Variants in RNF150 observed in about 807,000 individuals in gnomAD.
The protein encoded by RNF150 is ring finger protein 150.
A neutral mutation model predicts 39.3 loss-of-function variants in RNF150; 24 were observed. The observed-to-expected ratio is 0.61, with a 90% CI of 0.44 to 0.86. The LOEUF (loss-of-function observed/expected upper bound fraction) is 0.86. Ranked by LOEUF, RNF150 falls within the 40% of genes least tolerant of loss-of-function variation. The pLI is 0.00. For missense variants in RNF150, 502 were observed against 587.8 expected, an observed-to-expected ratio of 0.85 and a Z score of 1.51; for synonymous variants, 255 against 227.3, an observed-to-expected ratio of 1.12 and a Z score of -1.10.
intron 1 of RNF150, among the ~76,000 whole-genome samples, chr4:141,074,747 G>C (rs1233669160): frequency 1.3e-5 from 2 of 152,130 alleles, no homozygotes; most frequent in African/African-American, 4.8e-5. Flanking sequence ...CCAGAAATCA[G>C]CTGGCAAGAG....
At chr4:141,023,685 A>G (rs6537025) in intron 1 of RNF150, among the ~76,000 whole-genome samples, 80,749 of 152,030 alleles carry the variant, frequency 0.53, 23,081 homozygotes, top group Non-Finnish European at 0.63. Context: ...CTTGTATTTT[A>G]TACTTTCAAT....
chr4:141,125,904 C>T (rs749339341), intron 1 of RNF150, among the ~76,000 whole-genome samples: 1 of 152,142 alleles, frequency 6.6e-6, no homozygotes, highest in Non-Finnish European at 1.5e-5. Context: ...TAGATATGTA[C>T]TTCTATGACC....
intron 1 of RNF150, among the ~76,000 whole-genome samples, chr4:141,209,044 T>C (rs1449598260): frequency 2.6e-5 from 4 of 152,060 alleles, no homozygotes; most frequent in Non-Finnish European, 5.9e-5. Context: ...TTGTTCTTTG[T>C]CTGGTGAGAC....
intron 4 of RNF150, among the ~76,000 whole-genome samples, chr4:140,932,930 G>C (rs1188009492): frequency 1.3e-5 from 2 of 152,206 alleles, no homozygotes; most frequent in African/African-American, 2.4e-5. Context: ...CTGACACACA[G>C]TGAACACAAA....
At chr4:141,041,764 G>T (rs984071576) in intron 1 of RNF150, among the ~76,000 whole-genome samples, 4 of 152,034 alleles carry the variant, frequency 2.6e-5, no homozygotes, top group Non-Finnish European at 5.9e-5. Context: ...ATAAGTGAAT[G>T]TTTTTGAGCA....
chr4:141,069,692 G>T (rs1737614253), intron 1 of RNF150, among the ~76,000 whole-genome samples: 1 of 150,246 alleles, frequency 6.7e-6, no homozygotes, highest in African/African-American at 2.4e-5. Flanking sequence ...TCTGGTCCTG[G>T]ACTCTTTTTG....
rs542873591 is a variant in RNF150 at position 140,864,281 on chromosome 4, T to C, written c.*3980A>G. On this transcript the variant is annotated 3_prime_UTR_variant, in exon 7 of 7. Transcript: ENST00000515673. ...CTGTGTAGATGACCAGAGTTGACAC[T>C]GCAGGGGATATCTAACCCTAGAGAT... The C allele has an allele frequency of 6.0e-5, 9 of 150,970 alleles. No homozygotes were observed. The highest frequency in any genetic ancestry group is 2.2e-4 in the African/African-American group (9 of 41,014). 9.4% of individuals were successfully genotyped at this position (150,970 alleles called of 1,614,324 possible). A position where few individuals can be genotyped will look rare whatever the true frequency, so the allele number is the denominator to read the frequency against.
At chr4:141,039,745 G>T (rs1578659346) in intron 1 of RNF150, among the ~76,000 whole-genome samples, 1 of 152,198 alleles carries the variant, frequency 6.6e-6, no homozygotes, top group East Asian at 1.9e-4. Flanking sequence ...GTTATTAACT[G>T]CAAGCTCCTA....
chr4:141,045,538 T>TTTTA (rs1246542403), intron 1 of RNF150, among the ~76,000 whole-genome samples: 1 of 151,976 alleles, frequency 6.6e-6, no homozygotes, highest in Non-Finnish European at 1.5e-5. Context: ...TATTTTTATT[T>TTTTA]TTTATTTATT....
At chr4:140,922,889 A>C (rs1429588324) in intron 5 of RNF150, among the ~76,000 whole-genome samples, 3 of 150,850 alleles carry the variant, frequency 2.0e-5, no homozygotes, top group South Asian at 2.1e-4. Context: ...CTATTTAATA[A>C]ACGGTGCTGG....
chr4:141,024,608 A>G (rs1735622212), intron 1 of RNF150, among the ~76,000 whole-genome samples: 1 of 152,190 alleles, frequency 6.6e-6, no homozygotes, highest in Non-Finnish European at 1.5e-5. Flanking sequence ...CAACCTAAAT[A>G]ATCAAAAGGG....
At position 141,071,577 on chromosome 4, in the gene RNF150, A is replaced by G. The variant is rs1737707364; in HGVS notation, c.484+60748T>C. Reference sequence around the variant, plus strand: ...AAAAACGTGAAACATTTTGGCCTGGAGTGTAATTAATTTAAAATATGGTAC... The same window carrying G: ...AAAAACGTGAAACATTTTGGCCTGGGGTGTAATTAATTTAAAATATGGTAC... On this transcript the variant is annotated intron_variant, in intron 1 of 6. Coordinates refer to ENST00000515673, the MANE Select transcript of RNF150 (RefSeq NM_020724.2). 1.3e-5 allele frequency among the ~76,000 whole-genome samples: 2 copies of G among 152,050 alleles called. 1 individual carries two copies. The highest frequency in any genetic ancestry group is 4.1e-4 in the South Asian group (2 of 4,824).
At chr4:141,017,180 C>G (rs1350802289) in intron 1 of RNF150, among the ~76,000 whole-genome samples, 1 of 152,106 alleles carries the variant, frequency 6.6e-6, no homozygotes, top group Non-Finnish European at 1.5e-5. Context: ...TCAAGCCCCT[C>G]AGGCTTAAAA....
intron 1 of RNF150, among the ~76,000 whole-genome samples, chr4:141,168,446 A>G (rs1332774906): frequency 2.0e-5 from 3 of 152,230 alleles, no homozygotes; most frequent in Non-Finnish European, 1.5e-5. Context: ...ATTACTGGGT[A>G]TATACCCAAA....
chr4:140,900,820 T>TTATATATATATA (rs3033126), intron 6 of RNF150, among the ~76,000 whole-genome samples: 6 of 150,710 alleles, frequency 4.0e-5, no homozygotes, highest in African/African-American at 1.5e-4. Flanking sequence ...GCTAGGAACT[T>TTATATATATATA]TATATATATA....
At chr4:141,052,341 G>A (rs367592158) in intron 1 of RNF150, among the ~76,000 whole-genome samples, 15 of 152,082 alleles carry the variant, frequency 9.9e-5, no homozygotes, top group East Asian at 3.9e-4. Flanking sequence ...ATCCAAATAC[G>A]TAATATTTCA....
chr4:141,196,678 CA>C (rs148334564), intron 1 of RNF150, among the ~76,000 whole-genome samples: 5,036 of 152,264 alleles, frequency 0.033, 288 homozygotes, highest in African/African-American at 0.11. Context: ...TCCCACTGTG[CA>C]TAGCTTTGGA....
intron 1 of RNF150, among the ~76,000 whole-genome samples, chr4:141,101,870 C>T (rs564439491): frequency 6.6e-6 from 1 of 152,278 alleles, no homozygotes; most frequent in African/African-American, 2.4e-5. Context: ...CAACCTCTGC[C>T]TCAGAGGTTC....
rs1560678883 is a variant in RNF150, at chr4:141,000,004, AGAAGAAG to A, written c.485-32138_485-32132del. Among the ~76,000 whole-genome samples the A allele has an allele frequency of 1.5e-4, 5 of 33,942 alleles. 1 individual carries two copies. The highest frequency in any genetic ancestry group is 4.7e-4 in the African/African-American group (5 of 10,612). 22.3% of individuals were successfully genotyped at this position (33,942 alleles called of 152,430 possible). ...AGAAGAAAAGAAGAAAAGAAGAAGAAGAAGAAGAAGAAGAAGAAGAAGAAGAAGAAGA... is the reference window on the plus strand; with the variant it reads ...AGAAGAAAAGAAGAAAAGAAGAAGAAAAGAAGAAGAAGAAGAAGAAGAAGA... On this transcript the variant is annotated intron_variant, in intron 1 of 6. Transcript: ENST00000515673.
Sources: gnomAD v4.1 joint callset for allele counts (sites outside exome capture counted in the v4.1 genomes callset) on GRCh38, gnomAD v4.1.1 for gene constraint, MANE v1.5 for transcripts, NCBI Gene and HGNC (gene_info 2026-07-23, HGNC 2026-07-21) for gene names.